Variants in PPARA observed in about 807,000 individuals in gnomAD.
The protein encoded by PPARA is peroxisome proliferator activated receptor alpha.
Under a neutral mutation model 42.2 loss-of-function variants are expected in PPARA, and 22 were observed. The ratio of observed to expected loss-of-function variants is 0.52; its 90% confidence interval spans 0.37 to 0.74. The LOEUF (loss-of-function observed/expected upper bound fraction) is 0.74, where lower values mean the gene tolerates loss of function less well. Ranked by LOEUF, PPARA falls within the 30% of genes least tolerant of loss-of-function variation. The pLI, the probability that PPARA is intolerant of heterozygous loss-of-function variation, is 0.00. For synonymous variants in PPARA, 242 were observed against 239.3 expected (o/e 1.01, Z -0.10); for missense variants, 465 against 608.2 (o/e 0.76, Z 2.48).
intron 2 of PPARA, among the ~76,000 whole-genome samples, chr22:46,175,460 T>C (rs1361570037): frequency 1.3e-5 from 2 of 152,124 alleles, no homozygotes; most frequent in African/African-American, 4.8e-5. Context: ...ACGCCTGTAA[T>C]CCCAGCACTT....
Position 46,230,536 on chromosome 22 carries a change from G to A in PPARA, c.712-1256G>A, listed in dbSNP as rs367849216. Among the ~76,000 whole-genome samples the A allele has an allele frequency of 3.9e-5, 6 of 152,214 alleles. No homozygotes were observed. The highest frequency in any genetic ancestry group is 3.9e-4 in the East Asian group (2 of 5,176). ...AGCAGTGTTTGTGCTCATTTTCCCCGGCTCTCCCACACATGTAATCCCTTC... is the reference window on the plus strand; with the variant it reads ...AGCAGTGTTTGTGCTCATTTTCCCCAGCTCTCCCACACATGTAATCCCTTC... On this transcript the variant is annotated intron_variant, in intron 7 of 8. Coordinates refer to ENST00000407236, the MANE Select transcript of PPARA (RefSeq NM_005036.6). The surrounding 1 kb of genome is among the most constrained non-coding windows in gnomAD (Gnocchi z 5.0).
intron 2 of PPARA, among the ~76,000 whole-genome samples, chr22:46,158,898 G>A (rs568910954): frequency 1.3e-5 from 2 of 151,748 alleles, no homozygotes; most frequent in South Asian, 2.1e-4. Flanking sequence ...TTTTTTTGTC[G>A]GGGGTGTTGA....
Position 46,235,584 on chromosome 22 carries a change from G to A in PPARA, c.*204G>A. 1 of 660,170 alleles carries A rather than the reference G, an allele frequency of 1.5e-6. No homozygotes were observed. The highest frequency in any genetic ancestry group is 2.5e-6 in the Non-Finnish European group (1 of 392,790). The allele number at this position is 660,170 out of a possible 1,614,324, so 40.9% of individuals were successfully genotyped here. The stretch of plus-strand genomic sequence containing the variant: ...AAGAGCATAGAACTCAAATGCTGGG[G>A]GTAGGTGGCTAATCTCAGGACTGGG... On this transcript the variant is annotated 3_prime_UTR_variant, in exon 9 of 9. Transcript: ENST00000407236. The surrounding 1 kb of genome is among the most constrained non-coding windows in gnomAD (Gnocchi z 7.0).
At chr22:46,154,096 A>G (rs1924888960) in intron 2 of PPARA, among the ~76,000 whole-genome samples, 2 of 152,234 alleles carry the variant, frequency 1.3e-5, no homozygotes, top group Admixed American at 1.3e-4. Flanking sequence ...CATTCTATAA[A>G]TATTGACTGA....
At position 46,203,371 on chromosome 22, in the gene PPARA, C is replaced by T. The variant is rs1477026218; in HGVS notation, c.208+4780C>T. Reference sequence around the variant, plus strand: ...ACCGGATGGGTGAGGCTGGTTCACTCGGCCAAAGTACCATTTTATCTCTGC... The same window carrying T: ...ACCGGATGGGTGAGGCTGGTTCACTTGGCCAAAGTACCATTTTATCTCTGC... On this transcript the variant is annotated intron_variant, in intron 4 of 8. Transcript: ENST00000407236. The surrounding 1 kb of genome is among the most constrained non-coding windows in gnomAD (Gnocchi z 5.8). Among the ~76,000 whole-genome samples, 1 of 152,174 alleles carries T rather than the reference C, an allele frequency of 6.6e-6. No individual in the cohort carries two copies. Among genetic ancestry groups the T allele is most frequent in the African/African-American group, 2.4e-5 (1 of 41,436 alleles).
At chr22:46,174,300 G>A (rs1282904969) in intron 2 of PPARA, among the ~76,000 whole-genome samples, 1 of 35,004 alleles carries the variant, frequency 2.9e-5, no homozygotes, top group Non-Finnish European at 5.5e-5. Flanking sequence ...AGATGGTTAA[G>A]TTGGTAACTA....
Position 46,167,814 on chromosome 22 carries a change from G to C in PPARA, c.-126-8939G>C, listed in dbSNP as rs542826816. On this transcript the variant is annotated intron_variant, in intron 2 of 8. Coordinates refer to ENST00000407236, the MANE Select transcript of PPARA (RefSeq NM_005036.6). The surrounding 1 kb of genome is among the most constrained non-coding windows in gnomAD (Gnocchi z 4.1). The stretch of plus-strand genomic sequence containing the variant: ...TTCCAATGCTTTGGGGGACCGAGGT[G>C]AGAGGATAGCTTGAGGCCAGGAGTC... 3.7e-4 allele frequency among the ~76,000 whole-genome samples: 56 copies of C among 152,142 alleles called. No homozygotes were observed. Among genetic ancestry groups the C allele is most frequent in the Non-Finnish European group, 5.3e-4 (36 of 67,996 alleles).
At chr22:46,217,819 CTTTTTTTTTTTTTT>C (rs60894989) in intron 5 of PPARA, among the ~76,000 whole-genome samples, 2 of 77,046 alleles carry the variant, frequency 2.6e-5, no homozygotes, top group African/African-American at 1.2e-4. Flanking sequence ...CTATTTCTTT[CTTTTTTTTTTTTTT>C]TTTTTTTTTT....
intron 2 of PPARA, among the ~76,000 whole-genome samples, chr22:46,169,529 C>T (rs961569776): frequency 3.3e-5 from 5 of 151,790 alleles, no homozygotes; most frequent in African/African-American, 9.7e-5. Context: ...CCATCACGCC[C>T]GGCCACCAAT....
Position 46,185,607 on chromosome 22 carries a change from A to G in PPARA, c.-43+8771A>G, listed in dbSNP as rs1293104983. 2.0e-5 allele frequency among the ~76,000 whole-genome samples: 3 copies of G among 151,446 alleles called. No individual in the cohort carries two copies. The East Asian group carries it at 5.9e-4, about 30-fold the overall frequency. ...AAGGAGAGAAGTTTAAAAATATACCACCTCTGGCTGGGCGCGGTGGCTCAC... is the reference window on the plus strand; with the variant it reads ...AAGGAGAGAAGTTTAAAAATATACCGCCTCTGGCTGGGCGCGGTGGCTCAC... On this transcript the variant is annotated intron_variant, in intron 3 of 8. Coordinates refer to ENST00000407236, the MANE Select transcript of PPARA (RefSeq NM_005036.6).
intron 4 of PPARA, among the ~76,000 whole-genome samples, chr22:46,206,759 T>C (rs1275994146): frequency 6.6e-6 from 1 of 152,194 alleles, no homozygotes; most frequent in Non-Finnish European, 1.5e-5. Context: ...CATAATTACC[T>C]TTTCTAGTGC....
rs974632024 is a variant in PPARA at position 46,231,363 on chromosome 22, C to T, written c.712-429C>T. Among the ~76,000 whole-genome samples, 6 of 152,148 alleles carry T rather than the reference C, an allele frequency of 3.9e-5. No homozygotes were observed. The highest frequency in any genetic ancestry group is 6.5e-5 in the Admixed American group (1 of 15,276). On this transcript the variant is annotated intron_variant, in intron 7 of 8. Transcript: ENST00000407236. This position sits in a 1 kb window ranked among gnomAD's most constrained non-coding sequence, Gnocchi z 7.7. ...CCTCCCGAGTAGCTGGGACTACAGG[C>T]GCCCGCCACCACACCCAGCTAATTT...
At chr22:46,229,485 G>A (rs541104463) in intron 7 of PPARA, among the ~76,000 whole-genome samples, 25 of 151,984 alleles carry the variant, frequency 1.6e-4, no homozygotes, top group Non-Finnish European at 2.9e-4. Flanking sequence ...CTCAGGAGGC[G>A]GAGGCAGAGG....
chr22:46,220,901 C>T (rs1280332561), intron 7 of PPARA, among the ~76,000 whole-genome samples: 1 of 151,848 alleles, frequency 6.6e-6, no homozygotes, highest in East Asian at 1.9e-4. Context: ...TGAGATCATG[C>T]CACTGCACTC....
At chr22:46,228,803 CA>C (rs141620357) in intron 7 of PPARA, among the ~76,000 whole-genome samples, 11,721 of 152,194 alleles carry the variant, frequency 0.077, 581 homozygotes, top group Non-Finnish European at 0.11. Flanking sequence ...AAACAGAACT[CA>C]TTTTTTAAAA....
intron 7 of PPARA, among the ~76,000 whole-genome samples, chr22:46,229,142 T>C (rs1317028160): frequency 1.3e-5 from 2 of 151,774 alleles, no homozygotes; most frequent in African/African-American, 4.8e-5. Flanking sequence ...CCTTTATTTC[T>C]GCTGAATGTA....
At position 46,235,702 on chromosome 22, in the gene PPARA, T is replaced by C. The variant is rs1213407888; in HGVS notation, c.*322T>C. On this transcript the variant is annotated 3_prime_UTR_variant, in exon 9 of 9. Coordinates refer to ENST00000407236, the MANE Select transcript of PPARA (RefSeq NM_005036.6). The surrounding 1 kb of genome is among the most constrained non-coding windows in gnomAD (Gnocchi z 7.0). ...TTTAGATCACATTCGTGATTTACCA[T>C]TTAATTAACTGGTAACCTCAAAATT... 4.1e-5 allele frequency: 15 copies of C among 365,774 alleles called. No individual in the cohort carries two copies. Among genetic ancestry groups the C allele is most frequent in the Non-Finnish European group, 6.7e-5 (13 of 192,734 alleles). The allele number at this position is 365,774 out of a possible 1,614,324, so 22.7% of individuals were successfully genotyped here. A position where few individuals can be genotyped will look rare whatever the true frequency, so the allele number is the denominator to read the frequency against.
chr22:46,153,247 G>A (rs1924747355), intron 2 of PPARA, among the ~76,000 whole-genome samples: 1 of 128,076 alleles, frequency 7.8e-6, no homozygotes, highest in South Asian at 2.6e-4. Flanking sequence ...TTGGCTCACC[G>A]CAACGTCCAC....
chr22:46,211,875 CA>C lies in PPARA; in HGVS notation c.209-3294del, dbSNP rs1933969502. Among the ~76,000 whole-genome samples, 1 of 152,074 alleles carries C rather than the reference CA, an allele frequency of 6.6e-6. No homozygotes were observed. The highest frequency in any genetic ancestry group is 2.1e-4 in the South Asian group (1 of 4,818). On this transcript the variant is annotated intron_variant, in intron 4 of 8. Transcript: ENST00000407236. This position sits in a 1 kb window ranked among gnomAD's most constrained non-coding sequence, Gnocchi z 4.1. ...TAACTTTTTGTATTTTTACAAAATA[CA>C]AAAGACGATGTTTCACTATGTGGGC...
Sources: allele counts gnomAD v4.1 joint callset (sites outside exome capture counted in the v4.1 genomes callset), GRCh38; gene constraint gnomAD v4.1.1; non-coding constraint Gnocchi (gnomAD v3.1); transcripts MANE v1.5; gene names NCBI Gene and HGNC (gene_info 2026-07-23, HGNC 2026-07-21).